Variants in PTBP3 observed in about 807,000 individuals in gnomAD.
PTBP3 encodes polypyrimidine tract binding protein 3, also known as polypyrimidine tract-binding protein 3.
Under a neutral mutation model 58.7 loss-of-function variants are expected in PTBP3, and 20 were observed. The ratio of observed to expected loss-of-function variants is 0.34; its 90% CI spans 0.24 to 0.50. The LOEUF (loss-of-function observed/expected upper bound fraction) is 0.50. Ranked by LOEUF, PTBP3 falls within the 20% of genes least tolerant of loss-of-function variation. The pLI is 0.98. For synonymous variants in PTBP3, 185 were observed against 219.8 expected (o/e 0.84, Z 1.40); for missense variants, 509 against 637.2 (o/e 0.80, Z 2.17).
At chr9:112,372,030 T>A in the PTBP3 span, among the ~76,000 whole-genome samples, 1 of 151,592 alleles carries the variant, frequency 6.6e-6, no homozygotes, top group Non-Finnish European at 1.5e-5. Flanking sequence ...TCTTGAAGAG[T>A]TTTCTGCATC....
intron 6 of PTBP3, among the ~76,000 whole-genome samples, chr9:112,251,334 C>T (rs1836106602): frequency 6.6e-6 from 1 of 152,128 alleles, no homozygotes; most frequent in Non-Finnish European, 1.5e-5. Flanking sequence ...TAATATTTAT[C>T]TTGTCTGTGG....
At chr9:112,370,808 GCAA>G in the PTBP3 span, among the ~76,000 whole-genome samples, 1 of 152,018 alleles carries the variant, frequency 6.6e-6, no homozygotes, top group Non-Finnish European at 1.5e-5. Flanking sequence ...GTTTCTTTCA[GCAA>G]CGTTTTTTAG....
the PTBP3 span, among the ~76,000 whole-genome samples, chr9:112,356,361 G>A: frequency 6.6e-6 from 1 of 152,110 alleles, no homozygotes; most frequent in South Asian, 2.1e-4. Context: ...TGGTCATGTG[G>A]CCATCCCTGG....
chr9:112,332,113 AAAC>A (rs1307115225), intron 1 of PTBP3, among the ~76,000 whole-genome samples: 1 of 152,216 alleles, frequency 6.6e-6, no homozygotes, highest in Non-Finnish European at 1.5e-5. Context: ...AACTTCAATC[AAAC>A]AATAAAAACA....
At chr9:112,263,208 A>C (rs1836669904) in intron 4 of PTBP3, among the ~76,000 whole-genome samples, 1 of 152,248 alleles carries the variant, frequency 6.6e-6, no homozygotes, top group Non-Finnish European at 1.5e-5. Flanking sequence ...TCTGTGTATC[A>C]AAATAATAAC....
intron 2 of PTBP3, among the ~76,000 whole-genome samples, chr9:112,284,022 A>G (rs1006417958): frequency 2.0e-5 from 3 of 152,238 alleles, no homozygotes; most frequent in Admixed American, 6.5e-5. Flanking sequence ...ATGTATGGAA[A>G]TACCTGGATG....
rs1409278499 is a variant in PTBP3 at position 112,219,916 on chromosome 9, G to A, written c.*3935C>T. The A allele has an allele frequency of 3.7e-6, 1 of 273,612 alleles. No homozygotes were observed. Among genetic ancestry groups the A allele is most frequent in the African/African-American group, 2.3e-5 (1 of 43,544 alleles). 16.9% of individuals were successfully genotyped at this position (273,612 alleles called of 1,614,324 possible). A position where few individuals can be genotyped will look rare whatever the true frequency, so the allele number is the denominator to read the frequency against. On this transcript the variant is annotated 3_prime_UTR_variant, in exon 14 of 14. Transcript: ENST00000374257. ...CTGAAAAAAGACTGCTAATAGTCTT[G>A]TAGATAACAACACAACTCTTTTAAA...
the PTBP3 span, among the ~76,000 whole-genome samples, chr9:112,341,071 G>A: frequency 6.6e-6 from 1 of 151,770 alleles, no homozygotes; most frequent in Non-Finnish European, 1.5e-5. Flanking sequence ...GTTTTGGTTT[G>A]GATTTCTTGT....
At chr9:112,309,114 T>G (rs1426678958) in intron 1 of PTBP3, among the ~76,000 whole-genome samples, 2 of 152,184 alleles carry the variant, frequency 1.3e-5, no homozygotes, top group African/African-American at 4.8e-5. Context: ...CAAGAAAAGA[T>G]ATTTGTTTTA....
chr9:112,242,081 C>A (rs950581131), intron 7 of PTBP3, among the ~76,000 whole-genome samples: 1 of 152,116 alleles, frequency 6.6e-6, no homozygotes, highest in Non-Finnish European at 1.5e-5. Flanking sequence ...CTGCTATGAA[C>A]ATTTGTGTTT....
In PTBP3 at chr9:112,223,433, T is replaced by C; in HGVS notation, c.*418A>G. 2 of 917,364 alleles carry C rather than the reference T, an allele frequency of 2.2e-6. No homozygotes were observed. Among genetic ancestry groups the C allele is most frequent in the Non-Finnish European group, 2.6e-6 (2 of 765,328 alleles). 56.8% of individuals were successfully genotyped at this position (917,364 alleles called of 1,614,324 possible). Reference sequence around the variant, plus strand: ...GTTAATAACTTGGTCATAAGTGATTTAAATTACTTACATCAAGTAATTTTA... The same window carrying C: ...GTTAATAACTTGGTCATAAGTGATTCAAATTACTTACATCAAGTAATTTTA... On this transcript the variant is annotated 3_prime_UTR_variant, in exon 14 of 14. Transcript: ENST00000374257.
intron 1 of PTBP3, among the ~76,000 whole-genome samples, chr9:112,311,317 CTTTT>C (rs955888773): frequency 6.6e-6 from 1 of 151,908 alleles, no homozygotes; most frequent in Non-Finnish European, 1.5e-5. Flanking sequence ...CATGTACAGA[CTTTT>C]TTTGTCATTA....
Position 112,221,288 on chromosome 9 carries a change from CACACACAA to C in PTBP3, c.*2555_*2562del. The C allele has an allele frequency of 3.0e-6, 3 of 985,722 alleles. No homozygotes were observed. Among genetic ancestry groups the C allele is most frequent in the Non-Finnish European group, 3.6e-6 (3 of 829,844 alleles). 61.1% of individuals were successfully genotyped at this position (985,722 alleles called of 1,614,324 possible). ...ATCTACACACACACACATTCACACA[CACACACAA>C]ACACACCCCTACACAAATCCCTGAA... On this transcript the variant is annotated 3_prime_UTR_variant, in exon 14 of 14. Coordinates refer to ENST00000374257, the MANE Select transcript of PTBP3 (RefSeq NM_001163788.4).
chr9:112,328,218 G>A (rs1444954422), intron 1 of PTBP3, among the ~76,000 whole-genome samples: 1 of 152,192 alleles, frequency 6.6e-6, no homozygotes, highest in Non-Finnish European at 1.5e-5. Flanking sequence ...GTAACTGCTA[G>A]ATTATCTTTC....
the PTBP3 span, among the ~76,000 whole-genome samples, chr9:112,373,535 G>A: frequency 1.4e-4 from 22 of 152,234 alleles, no homozygotes; most frequent in South Asian, 2.7e-3. Flanking sequence ...TCAATACTTT[G>A]CATCCTGCAA....
intron 10 of PTBP3, among the ~76,000 whole-genome samples, chr9:112,230,755 C>T (rs1454302511): frequency 6.6e-6 from 1 of 152,088 alleles, no homozygotes; most frequent in Admixed American, 6.5e-5. Context: ...ATAAACTGTC[C>T]TTAATAAAAA....
intron 7 of PTBP3, among the ~76,000 whole-genome samples, chr9:112,238,743 C>T (rs541733523): frequency 1.3e-5 from 2 of 152,202 alleles, no homozygotes; most frequent in African/African-American, 4.8e-5. Context: ...CATCAGAATA[C>T]CACAGAATGG....
At position 112,221,154 on chromosome 9, in the gene PTBP3, T is replaced by A. The variant is rs534202731; in HGVS notation, c.*2697A>T. 1 of 985,680 alleles carries A rather than the reference T, an allele frequency of 1.0e-6. No homozygotes were observed. Among genetic ancestry groups the A allele is most frequent in the East Asian group, 1.1e-4 (1 of 8,816 alleles). The allele number at this position is 985,680 out of a possible 1,614,324, so 61.1% of individuals were successfully genotyped here. On this transcript the variant is annotated 3_prime_UTR_variant, in exon 14 of 14. Transcript: ENST00000374257. ...AACATGCTATTTTAAAACAAGAACA[T>A]CCCACATCTCCAAATCTTAATTTGG... is the stretch of plus-strand genomic sequence containing the variant.
In PTBP3 at chr9:112,333,563, G is replaced by A; in HGVS notation, c.-145C>T. ...AGGCGGCGGCAGCAGGGCGGTTCCG[G>A]GGACAAGCGAGCTTTGGCTCTGCGG... is the stretch of plus-strand genomic sequence containing the variant. On this transcript the variant is annotated 5_prime_UTR_variant, in exon 1 of 14. Transcript: ENST00000374257. The A allele has an allele frequency of 6.7e-7, 1 of 1,500,348 alleles. No homozygotes were observed. 92.9% of individuals were successfully genotyped at this position (1,500,348 alleles called of 1,614,324 possible).
Sources: allele counts gnomAD v4.1 joint callset (sites outside exome capture counted in the v4.1 genomes callset), GRCh38; gene constraint gnomAD v4.1.1; transcripts MANE v1.5; gene names NCBI Gene and HGNC (gene_info 2026-07-23, HGNC 2026-07-21).